HCLS1: variants seen among roughly 807,000 people sequenced by gnomAD.
HCLS1 encodes hematopoietic cell-specific Lyn substrate 1.
Under a neutral mutation model 68.6 loss-of-function variants are expected in HCLS1, and 44 were observed. The observed-to-expected ratio is 0.64, with a 90% CI of 0.50 to 0.82. The LOEUF is 0.82. Ranked by LOEUF, HCLS1 falls within the 40% of genes least tolerant of loss-of-function variation. The probability of loss-of-function intolerance (pLI) is 0.00; values close to 1 mark genes in which losing one functional copy is unlikely to be tolerated. For missense variants in HCLS1, 602 were observed against 612.1 expected, an observed-to-expected ratio of 0.98 and a Z score of 0.17; for synonymous variants, 217 against 225.8, an observed-to-expected ratio of 0.96 and a Z score of 0.35.
At chr3:121,647,496 G>A in intron 3 of HCLS1, 48 bp from the exon 4 acceptor site, 1 of 1,603,520 alleles carries the variant, frequency 6.2e-7, no homozygotes, top group Non-Finnish European at 8.5e-7. Context: ...GGGAGATCAA[G>A]AAACCCATCT....
chr3:121,645,525 C>CAGCA (rs2049239042), intron 4 of HCLS1, among the ~76,000 whole-genome samples: 1 of 152,110 alleles, frequency 6.6e-6, no homozygotes, highest in South Asian at 2.1e-4. Context: ...CATTTAAATG[C>CAGCA]AGCAAATAAT....
At position 121,634,299 on chromosome 3, in the gene HCLS1, C is replaced by G. The variant is rs765792319; in HGVS notation, c.811G>C (p.Val271Leu). The change falls in exon 10 of 14, where the codon GTG becomes CTG. Residue 271 changes from valine (V) to leucine (L), a missense_variant. Coordinates refer to ENST00000314583, the MANE Select transcript of HCLS1 (RefSeq NM_005335.6). ...GGAGCCTCAGGGCTCCTCTTTGTCA[C>G]AGCCTTTCGCTCCTGTTGCCTCCTG... is the stretch of plus-strand genomic sequence containing the variant. ...VARRQQERKA[V>L]TKRSPEAPQP... is the part of the protein sequence containing the mutation. The G allele has an allele frequency of 1.2e-6, 2 of 1,614,096 alleles. No individual in the cohort carries two copies. The highest frequency in any genetic ancestry group is 1.7e-6 in the Non-Finnish European group (2 of 1,180,052).
intron 3 of HCLS1, 47 bp downstream of exon 3, chr3:121,657,232 C>G: frequency 1.3e-6 from 2 of 1,527,924 alleles, no homozygotes; most frequent in Non-Finnish European, 1.8e-6. Context: ...TTTCTTTGGG[C>G]TCTTCCCATA....
At position 121,632,477 on chromosome 3, in the gene HCLS1, C is replaced by T. The variant is rs1267992475; in HGVS notation, c.1095G>A (p.Glu365=). 2 of 1,613,690 alleles carry T rather than the reference C, an allele frequency of 1.2e-6. No homozygotes were observed. Among genetic ancestry groups the T allele is most frequent in the Admixed American group, 1.7e-5 (1 of 59,984 alleles). ...GCTCGGGCTCAGGCTCGGGCTCAGG[C>T]TCAGGCTCTGCTTCGTACACTGGCT... ...EEEPVYEAEP[E]PEPEPEPEPE... The change falls in exon 12 of 14, where the codon GAG becomes GAA. Residue 365 remains glutamate (E), a synonymous_variant. Coordinates refer to ENST00000314583, the MANE Select transcript of HCLS1 (RefSeq NM_005335.6).
intron 10 of HCLS1, among the ~76,000 whole-genome samples, chr3:121,633,890 T>C (rs1045303892): frequency 2.4e-4 from 37 of 152,204 alleles, no homozygotes; most frequent in Non-Finnish European, 2.4e-4. Context: ...TCTCTGCCAA[T>C]TCAAATGGAA....
At chr3:121,636,932 T>A (rs1378102230) in intron 7 of HCLS1, among the ~76,000 whole-genome samples, 1 of 152,008 alleles carries the variant, frequency 6.6e-6, no homozygotes, top group Non-Finnish European at 1.5e-5. Context: ...ACCTCCCTCC[T>A]AGGCCCTGCT....
At chr3:121,635,225 CTT>C (rs1210009105) in intron 9 of HCLS1, among the ~76,000 whole-genome samples, 2 of 142,884 alleles carry the variant, frequency 1.4e-5, no homozygotes, top group Admixed American at 7.1e-5. Flanking sequence ...CTCTCTCTCT[CTT>C]CTCTCCCTTT....
chr3:121,657,613 CA>C, intron 2 of HCLS1, among the ~76,000 whole-genome samples: 1 of 152,174 alleles, frequency 6.6e-6, no homozygotes, highest in Admixed American at 6.5e-5. Context: ...GTCAGGAGCT[CA>C]AGACTAGCTT....
rs370678684 is a variant in HCLS1, at chr3:121,636,365, C to G, written c.621+69G>C. On this transcript the variant is annotated intron_variant, in intron 8 of 13. Transcript: ENST00000314583. ...CCCCTCCCTCTCCCAGCCTTCTTCA[C>G]GCTCTTCTCTGCACACTTTCCTAAA... 2.3e-6 allele frequency: 3 copies of G among 1,311,818 alleles called. No individual in the cohort carries two copies. The South Asian group carries it at 3.5e-5, about 16-fold the overall frequency. The allele number at this position is 1,311,818 out of a possible 1,614,324, so 81.3% of individuals were successfully genotyped here.
chr3:121,637,051 C>T, intron 7 of HCLS1, 95 bp downstream of exon 7: 1 of 836,802 alleles, frequency 1.2e-6, no homozygotes, highest in Non-Finnish European at 2.1e-6. Context: ...CACATCTGCC[C>T]CTCTGTATTC....
intron 11 of HCLS1, 70 bp from the exon 12 acceptor site, chr3:121,632,633 T>C (rs9815500): frequency 0.48 from 670,881 of 1,396,884 alleles, 164,887 homozygotes; most frequent in East Asian, 0.76. Context: ...ACTGATAAGA[T>C]CCCCCGCCCT....
At chr3:121,649,952 C>A (rs984547435) in intron 3 of HCLS1, among the ~76,000 whole-genome samples, 1 of 152,078 alleles carries the variant, frequency 6.6e-6, no homozygotes, top group Admixed American at 6.6e-5. Context: ...CTAAAGAATT[C>A]ACACAAAAAA....
At chr3:121,634,643 C>CT (rs1283542925) in intron 9 of HCLS1, among the ~76,000 whole-genome samples, 10 of 149,454 alleles carry the variant, frequency 6.7e-5, no homozygotes, top group African/African-American at 9.8e-5. Context: ...AGACTCGTGT[C>CT]TTTTTTTTTT....
Position 121,637,863 on chromosome 3 carries a change from G to T in HCLS1, c.455-607C>A, listed in dbSNP as rs138907395. On this transcript the variant is annotated intron_variant, in intron 6 of 13. Coordinates refer to ENST00000314583, the MANE Select transcript of HCLS1 (RefSeq NM_005335.6). ...AGACAGGAGAGTCACTTGAACATGG[G>T]GGGTGGAGGTTGCAGTGAGCCAAGA... Among the ~76,000 whole-genome samples, 1,166 of 152,136 alleles carry T rather than the reference G, an allele frequency of 7.7e-3. 11 individuals are homozygous for T. Among genetic ancestry groups the T allele is most frequent in the African/African-American group, 0.026 (1,059 of 41,490 alleles).
intron 3 of HCLS1, among the ~76,000 whole-genome samples, chr3:121,648,078 A>G (rs2107473163): frequency 6.6e-6 from 1 of 152,346 alleles, no homozygotes; most frequent in East Asian, 1.9e-4. Context: ...ATAAAAACAC[A>G]GAACTGGGGA....
chr3:121,646,270 AATAT>A (rs1363129889), intron 4 of HCLS1, among the ~76,000 whole-genome samples: 1 of 113,240 alleles, frequency 8.8e-6, no homozygotes, highest in Non-Finnish European at 1.6e-5. Flanking sequence ...AAAAATATAT[AATAT>A]ATATTATATT....
At chr3:121,650,255 C>A (rs1036482261) in intron 3 of HCLS1, among the ~76,000 whole-genome samples, 1 of 152,116 alleles carries the variant, frequency 6.6e-6, no homozygotes, top group African/African-American at 2.4e-5. Context: ...CTAAAATGAT[C>A]TATAGATTCA....
chr3:121,642,303 C>CAAA lies in HCLS1; in HGVS notation c.454+621_454+623dup, dbSNP rs34223359. On this transcript the variant is annotated intron_variant, in intron 6 of 13. Transcript: ENST00000314583. ...TGAAACCCCGTCTCTACTAAAAATA[C>CAAA]AAAAAAAAAAAAAAAATTAGCCAGG... Among the ~76,000 whole-genome samples the CAAA allele has an allele frequency of 7.1e-3, 909 of 127,428 alleles. 6 individuals carry two copies. Among genetic ancestry groups the CAAA allele is most frequent in the South Asian group, 0.018 (73 of 4,116 alleles). 83.6% of individuals were successfully genotyped at this position (127,428 alleles called of 152,430 possible). A position where few individuals can be genotyped will look rare whatever the true frequency, so the allele number is the denominator to read the frequency against.
In HCLS1 at chr3:121,646,482, G is replaced by T. The variant is rs1433519137; in HGVS notation, c.288+837C>A. 5.4e-3 allele frequency among the ~76,000 whole-genome samples: 532 copies of T among 97,672 alleles called. 22 individuals are homozygous for T. In the East Asian group the frequency reaches 0.13, roughly 25 times the overall value. 64.1% of individuals were successfully genotyped at this position (97,672 alleles called of 152,430 possible). A position where few individuals can be genotyped will look rare whatever the true frequency, so the allele number is the denominator to read the frequency against. On this transcript the variant is annotated intron_variant, in intron 4 of 13. Coordinates refer to ENST00000314583, the MANE Select transcript of HCLS1 (RefSeq NM_005335.6). ...TATATGATATATAATATATAATATA[G>T]ATATATTATATATTATATATACTTA...
Sources: gnomAD v4.1 joint callset for allele counts (sites outside exome capture counted in the v4.1 genomes callset) on GRCh38, gnomAD v4.1.1 for gene constraint, MANE v1.5 for transcripts, NCBI Gene and HGNC (gene_info 2026-07-23, HGNC 2026-07-21) for gene names.